Variants in SLC35F3 observed in about 807,000 individuals in gnomAD.
SLC35F3 encodes the protein solute carrier family 35 member F3.
SLC35F3 carries 25 observed loss-of-function variants against 49.9 expected under a neutral mutation model. The observed-to-expected ratio is 0.50, with a 90% CI of 0.37 to 0.70. SLC35F3 has a LOEUF of 0.70. Among genes scored for constraint, SLC35F3 ranks in the 30% least tolerant of loss-of-function variants. SLC35F3 has a pLI of 0.00. For missense variants in SLC35F3, 525 were observed against 639.8 expected, an observed-to-expected ratio of 0.82 and a Z score of 1.94; for synonymous variants, 275 against 265.4, an observed-to-expected ratio of 1.04 and a Z score of -0.35.
intron 2 of SLC35F3, among the ~76,000 whole-genome samples, chr1:234,018,403 T>G (rs2102841444): frequency 6.6e-6 from 1 of 152,300 alleles, no homozygotes; most frequent in South Asian, 2.1e-4. Context: ...CAGGAAACAG[T>G]AGGGGAAGAG....
intron 2 of SLC35F3, among the ~76,000 whole-genome samples, chr1:234,156,157 TA>T (rs1036353288): frequency 2.6e-5 from 4 of 152,164 alleles, no homozygotes; most frequent in South Asian, 2.1e-4. Flanking sequence ...ATGTCATGGA[TA>T]AAAAAAATTA....
chr1:234,275,180 T>C (rs1323382235), intron 3 of SLC35F3, among the ~76,000 whole-genome samples: 1 of 152,212 alleles, frequency 6.6e-6, no homozygotes, highest in African/African-American at 2.4e-5. Context: ...GTCAAAGCTT[T>C]GTTACATGCA....
intron 2 of SLC35F3, among the ~76,000 whole-genome samples, chr1:234,158,519 A>G (rs916634799): frequency 1.3e-5 from 2 of 152,226 alleles, no homozygotes. Flanking sequence ...ACATTTCTAT[A>G]TCATTTTTCA....
chr1:234,007,788 TA>T (rs552074659), intron 2 of SLC35F3, among the ~76,000 whole-genome samples: 92 of 152,268 alleles, frequency 6.0e-4, no homozygotes, highest in Non-Finnish European at 1.1e-3. Flanking sequence ...ATCATAAAAA[TA>T]AAAGTGTAAA....
chr1:234,194,993 C>T (rs544762798), intron 2 of SLC35F3, among the ~76,000 whole-genome samples: 16 of 152,316 alleles, frequency 1.1e-4, no homozygotes, highest in African/African-American at 3.8e-4. Context: ...TCAGCATCCT[C>T]CAGGCAGCTT....
chr1:234,210,162 C>T (rs1456097565), intron 2 of SLC35F3, among the ~76,000 whole-genome samples: 3 of 152,142 alleles, frequency 2.0e-5, no homozygotes, highest in African/African-American at 2.4e-5. Context: ...CTGCCATCCA[C>T]GTAAGACATG....
intron 2 of SLC35F3, among the ~76,000 whole-genome samples, chr1:234,201,150 C>T (rs1024184714): frequency 2.0e-5 from 3 of 152,186 alleles, no homozygotes; most frequent in African/African-American, 7.2e-5. Context: ...CTGAATTGGG[C>T]TCATGTACTC....
intron 2 of SLC35F3, among the ~76,000 whole-genome samples, chr1:234,195,282 T>G (rs983085385): frequency 6.6e-6 from 1 of 152,218 alleles, no homozygotes; most frequent in African/African-American, 2.4e-5. Flanking sequence ...CCAGCCACTT[T>G]GAGCCACAGA....
chr1:234,144,058 T>C (rs1164949667), intron 2 of SLC35F3, among the ~76,000 whole-genome samples: 5 of 151,554 alleles, frequency 3.3e-5, no homozygotes, highest in African/African-American at 1.2e-4. Flanking sequence ...GAAGGATGAA[T>C]GCTGGTACTC....
intron 3 of SLC35F3, among the ~76,000 whole-genome samples, chr1:234,232,546 A>G (rs1445827606): frequency 6.6e-6 from 1 of 150,670 alleles, no homozygotes; most frequent in African/African-American, 2.5e-5. Flanking sequence ...AAAAAGAAAA[A>G]GAAAAAAAGA....
chr1:234,180,016 C>G (rs978039965), intron 2 of SLC35F3, among the ~76,000 whole-genome samples: 4 of 152,168 alleles, frequency 2.6e-5, no homozygotes, highest in Non-Finnish European at 5.9e-5. Context: ...TCCTATAGCT[C>G]GATCCTAGAA....
chr1:234,302,538 C>T (rs751166540), intron 3 of SLC35F3, among the ~76,000 whole-genome samples: 3 of 151,814 alleles, frequency 2.0e-5, no homozygotes, highest in Non-Finnish European at 4.4e-5. Context: ...AGGAAAGGGG[C>T]GGGTGAGAGG....
At chr1:234,032,463 A>G (rs1382410556) in intron 2 of SLC35F3, among the ~76,000 whole-genome samples, 1 of 152,072 alleles carries the variant, frequency 6.6e-6, no homozygotes, top group Non-Finnish European at 1.5e-5. Flanking sequence ...TGATGCACCC[A>G]TCACCCAAGC....
chr1:234,059,610 CA>C (rs1558217557), intron 2 of SLC35F3, among the ~76,000 whole-genome samples: 6 of 145,740 alleles, frequency 4.1e-5, no homozygotes, highest in South Asian at 4.5e-4. Context: ...GAGACATAGA[CA>C]TAGACTAGAC....
At chr1:234,172,551 G>A (rs975582330) in intron 2 of SLC35F3, among the ~76,000 whole-genome samples, 9 of 152,204 alleles carry the variant, frequency 5.9e-5, no homozygotes, top group African/African-American at 2.2e-4. Context: ...TCTTAAAATA[G>A]TTCAGTGTCA....
chr1:233,932,117 C>A (rs55931923), intron 2 of SLC35F3, among the ~76,000 whole-genome samples: 17,161 of 151,548 alleles, frequency 0.11, 1,052 homozygotes, highest in Non-Finnish European at 0.14. Context: ...GGACACAGGG[C>A]GGGGAACATC....
Position 234,320,132 on chromosome 1 carries a change from T to A in SLC35F3, c.1182T>A (p.Val394=). 6.2e-7 allele frequency: 1 copy of A among 1,613,710 alleles called. No individual in the cohort carries two copies. The highest frequency in any genetic ancestry group is 8.5e-7 in the Non-Finnish European group (1 of 1,179,576). Residue 394 remains valine (V), a synonymous_variant, in exon 7 of 8, where the codon GTT becomes GTA. Coordinates refer to ENST00000366618, the MANE Select transcript of SLC35F3 (RefSeq NM_173508.4). This position sits in a 1 kb window ranked among gnomAD's most constrained non-coding sequence, Gnocchi z 4.8. ...TTGTATTAAATTTTGGAATTGCCGT[T>A]ACATATCCCACTCTGATGTCTCTTG... ...FNIVLNFGIA[V]TYPTLMSLGI... is the part of the protein sequence containing the mutation.
At chr1:234,136,462 C>G (rs780157048) in intron 2 of SLC35F3, among the ~76,000 whole-genome samples, 9 of 152,014 alleles carry the variant, frequency 5.9e-5, no homozygotes, top group Non-Finnish European at 1.0e-4. Context: ...TCTTCCACCC[C>G]AGCCTCTCAA....
Position 234,026,615 on chromosome 1 carries a change from G to A in SLC35F3, c.283+120857G>A, listed in dbSNP as rs900210670. ...GAAGGCTTGTTAGCCAGGTGTGGTG[G>A]CTTACACCTATAATCCCCATATTCT... On this transcript the variant is annotated intron_variant, in intron 2 of 7. Transcript: ENST00000366618. Among the ~76,000 whole-genome samples the A allele has an allele frequency of 2.0e-5, 3 of 152,114 alleles. No homozygotes were observed. The East Asian group carries it at 5.8e-4, about 29-fold the overall frequency.
Sources: allele counts gnomAD v4.1 joint callset (sites outside exome capture counted in the v4.1 genomes callset), GRCh38; gene constraint gnomAD v4.1.1; non-coding constraint Gnocchi (gnomAD v3.1); transcripts MANE v1.5; gene names NCBI Gene and HGNC (gene_info 2026-07-23, HGNC 2026-07-21).